MAN2A1: variants seen among roughly 807,000 people sequenced by gnomAD.
MAN2A1 encodes the protein alpha-mannosidase 2.
Under a neutral mutation model 142.6 loss-of-function variants are expected in MAN2A1, and 76 were observed. The ratio of observed to expected loss-of-function variants is 0.53; its 90% CI spans 0.44 to 0.65. The LOEUF (loss-of-function observed/expected upper bound fraction) is 0.65, where lower values mean the gene tolerates loss of function less well. MAN2A1 is among the 30% of genes least tolerant of loss of function. The probability of loss-of-function intolerance (pLI) is 0.00; values close to 1 mark genes in which losing one functional copy is unlikely to be tolerated. For missense variants in MAN2A1, 1,311 were observed against 1,365.1 expected, an observed-to-expected ratio of 0.96 and a Z score of 0.62; for synonymous variants, 559 against 473.2, an observed-to-expected ratio of 1.18 and a Z score of -2.35.
intron 1 of MAN2A1, among the ~76,000 whole-genome samples, chr5:109,711,576 A>C (rs1272373803): frequency 6.6e-6 from 1 of 152,206 alleles, no homozygotes; most frequent in African/African-American, 2.4e-5. Context: ...AGAAGGGTGT[A>C]AAGGTTTATA....
rs1490623005 is a variant in MAN2A1 at position 109,734,356 on chromosome 5, G to A, written c.707+4843G>A. 1.0e-4 allele frequency among the ~76,000 whole-genome samples: 15 copies of A among 143,802 alleles called. 1 individual carries two copies. Among genetic ancestry groups the A allele is most frequent in the Admixed American group, 2.8e-4 (4 of 14,296 alleles). The allele number at this position is 143,802 out of a possible 152,430, so 94.3% of individuals were successfully genotyped here. ...CATTGATTTTTTTGAAGAGTTTTTT[G>A]TGTCTCTATCTCCTTCAGTTCTGCT... is the stretch of plus-strand genomic sequence containing the variant. On this transcript the variant is annotated intron_variant, in intron 4 of 21. Transcript: ENST00000261483.
At chr5:109,839,628 A>G (rs1280248199) in intron 16 of MAN2A1, among the ~76,000 whole-genome samples, 3 of 149,874 alleles carry the variant, frequency 2.0e-5, no homozygotes, top group Non-Finnish European at 4.4e-5. Flanking sequence ...CCTGAACAAC[A>G]TAGTGAGGCC....
chr5:109,770,580 A>G (rs1442255984), intron 7 of MAN2A1, 39 bp downstream of exon 7: 1 of 1,577,528 alleles, frequency 6.3e-7, no homozygotes, highest in East Asian at 2.2e-5. Flanking sequence ...CATCTTGAAT[A>G]AAGTAGCCAC....
chr5:109,849,440 C>T (rs567210496), intron 19 of MAN2A1, among the ~76,000 whole-genome samples: 1 of 152,168 alleles, frequency 6.6e-6, no homozygotes, highest in Admixed American at 6.5e-5. Flanking sequence ...GTGTTCCCCC[C>T]AGTCAACAGC....
intron 16 of MAN2A1, 133 bp from the exon 17 acceptor site, chr5:109,842,195 A>G (rs887033777): frequency 1.1e-5 from 6 of 542,024 alleles, no homozygotes; most frequent in Non-Finnish European, 1.6e-5. Context: ...AGCATTTATT[A>G]TATGAGAGAT....
chr5:109,843,237 G>A (rs533429135), intron 17 of MAN2A1, among the ~76,000 whole-genome samples: 24 of 152,290 alleles, frequency 1.6e-4, no homozygotes, highest in African/African-American at 4.1e-4. Context: ...ACTTACAATC[G>A]TAGAGGAAGG....
rs138408174 is a variant in MAN2A1, at chr5:109,791,963, A to G, written c.1943+2436A>G. ...TAGTCCAAGATCTGTTTAAAGTGAC[A>G]TTAGTACATGTTGATATGCCTAATT... is the stretch of plus-strand genomic sequence containing the variant. On this transcript the variant is annotated intron_variant, in intron 12 of 21. Coordinates refer to ENST00000261483, the MANE Select transcript of MAN2A1 (RefSeq NM_002372.4). Among the ~76,000 whole-genome samples, 168 of 152,278 alleles carry G rather than the reference A, an allele frequency of 1.1e-3. 1 individual carries two copies. The highest frequency in any genetic ancestry group is 4.0e-3 in the African/African-American group (165 of 41,574).
chr5:109,772,334 A>T (rs954205535), intron 7 of MAN2A1, among the ~76,000 whole-genome samples: 3 of 152,194 alleles, frequency 2.0e-5, no homozygotes, highest in Non-Finnish European at 4.4e-5. Flanking sequence ...TCTCCACTGC[A>T]CTCCAGCCTG....
At chr5:109,847,617 A>T (rs1432914624) in intron 18 of MAN2A1, 40 bp from the exon 19 acceptor site, 1 of 1,438,666 alleles carries the variant, frequency 7.0e-7, no homozygotes, top group African/African-American at 1.5e-5. Flanking sequence ...GTATTAAATT[A>T]TTCTGGTCAG....
At chr5:109,694,661 T>G (rs1365331235) in intron 1 of MAN2A1, among the ~76,000 whole-genome samples, 1 of 151,760 alleles carries the variant, frequency 6.6e-6, no homozygotes, top group Non-Finnish European at 1.5e-5. Context: ...CTTTTGTGTT[T>G]TTTTTTTTTA....
intron 12 of MAN2A1, among the ~76,000 whole-genome samples, chr5:109,793,961 G>T (rs1195364576): frequency 2.0e-5 from 3 of 152,074 alleles, no homozygotes; most frequent in Admixed American, 2.0e-4. Flanking sequence ...GGGATTCAAG[G>T]CTAGCTTTTT....
intron 4 of MAN2A1, among the ~76,000 whole-genome samples, chr5:109,729,839 A>C (rs977580337): frequency 3.9e-5 from 6 of 152,070 alleles, no homozygotes; most frequent in Admixed American, 3.9e-4. Flanking sequence ...CTAAAAATAC[A>C]AAAAAATTAG....
chr5:109,844,234 C>T (rs530216096), intron 17 of MAN2A1, among the ~76,000 whole-genome samples: 16 of 152,134 alleles, frequency 1.1e-4, no homozygotes, highest in South Asian at 8.3e-4. Context: ...GAGGATGGAA[C>T]GTTTGACTAA....
At chr5:109,865,224 A>G in intron 21 of MAN2A1, 78 bp downstream of exon 21, 2 of 996,174 alleles carry the variant, frequency 2.0e-6, no homozygotes, top group Admixed American at 3.8e-5. Flanking sequence ...TGACAATAAG[A>G]TCATGTTTCA....
intron 1 of MAN2A1, among the ~76,000 whole-genome samples, chr5:109,703,487 A>G (rs1751045502): frequency 6.6e-6 from 1 of 152,240 alleles, no homozygotes; most frequent in Non-Finnish European, 1.5e-5. Flanking sequence ...AGCATATCAC[A>G]TGAACCTTCA....
At chr5:109,857,867 C>T (rs1233522120) in intron 20 of MAN2A1, among the ~76,000 whole-genome samples, 1 of 152,146 alleles carries the variant, frequency 6.6e-6, no homozygotes, top group African/African-American at 2.4e-5. Flanking sequence ...GGTGGGCCAC[C>T]CTCCCTACCT....
chr5:109,729,991 T>TG (rs1312936990), intron 4 of MAN2A1, among the ~76,000 whole-genome samples: 1 of 152,114 alleles, frequency 6.6e-6, no homozygotes, highest in South Asian at 2.1e-4. Flanking sequence ...GACTCTGCCT[T>TG]GGGGGAAAAA....
intron 4 of MAN2A1, among the ~76,000 whole-genome samples, chr5:109,734,721 C>CTG (rs1285084906): frequency 6.6e-6 from 1 of 152,162 alleles, no homozygotes; most frequent in Non-Finnish European, 1.5e-5. Flanking sequence ...TTTGATTGCA[C>CTG]TGTGGTCTGA....
At chr5:109,736,525 A>C (rs1216282444) in intron 4 of MAN2A1, among the ~76,000 whole-genome samples, 1 of 152,128 alleles carries the variant, frequency 6.6e-6, no homozygotes. Context: ...TCTAAAAAAA[A>C]AGTTTTTTTT....
Sources: gnomAD v4.1 joint callset for allele counts (sites outside exome capture counted in the v4.1 genomes callset) on GRCh38, gnomAD v4.1.1 for gene constraint, MANE v1.5 for transcripts, NCBI Gene and HGNC (gene_info 2026-07-23, HGNC 2026-07-21) for gene names.